Variants in CFAP20DC observed in about 807,000 individuals in gnomAD.
The protein encoded by CFAP20DC is protein CFAP20DC.
A neutral mutation model predicts 101.7 loss-of-function variants in CFAP20DC; 84 were observed. The observed-to-expected ratio is 0.83, with a 90% CI of 0.69 to 0.99. CFAP20DC has a LOEUF of 0.99. CFAP20DC is among the 50% of genes least tolerant of loss of function. The pLI, the probability that CFAP20DC is intolerant of heterozygous loss-of-function variation, is 0.00. For missense variants in CFAP20DC, 1,007 were observed against 970.3 expected (o/e 1.04, Z -0.50); for synonymous variants, 359 against 351.2 (o/e 1.02, Z -0.25).
intron 14 of CFAP20DC, among the ~76,000 whole-genome samples, chr3:58,809,027 T>C (rs995931749): frequency 2.0e-5 from 3 of 151,948 alleles, no homozygotes; most frequent in Non-Finnish European, 4.4e-5. Flanking sequence ...ATCCTAAATA[T>C]ATATGCACCC....
chr3:58,988,894 A>T (rs766967478), intron 4 of CFAP20DC, among the ~76,000 whole-genome samples: 2 of 152,110 alleles, frequency 1.3e-5, no homozygotes, highest in Non-Finnish European at 2.9e-5. Context: ...GACCATCAAT[A>T]CCCATGGTTC....
At position 59,006,536 on chromosome 3, in the gene CFAP20DC, G is replaced by A. The variant is rs2093438075; in HGVS notation, c.278+33021C>T. Among the ~76,000 whole-genome samples, 1 of 152,222 alleles carries A rather than the reference G, an allele frequency of 6.6e-6. No homozygotes were observed. ...CTGCCTCTGAACACACATCCCCACT[G>A]GGGAATCTGAAAATCCAGATCACGG... On this transcript the variant is annotated intron_variant, in intron 4 of 16. Transcript: ENST00000482387. This position sits in a 1 kb window ranked among gnomAD's most constrained non-coding sequence, Gnocchi z 4.3.
At chr3:58,794,561 T>C (rs575548199) in intron 15 of CFAP20DC, among the ~76,000 whole-genome samples, 5 of 152,348 alleles carry the variant, frequency 3.3e-5, no homozygotes, top group South Asian at 4.1e-4. Flanking sequence ...TGAAAAATTA[T>C]GTGTTTTAAC....
intron 13 of CFAP20DC, among the ~76,000 whole-genome samples, chr3:58,848,340 A>T (rs2077908987): frequency 6.6e-6 from 1 of 152,170 alleles, no homozygotes; most frequent in Non-Finnish European, 1.5e-5. Context: ...TTACAATGCA[A>T]CACCCACAGA....
At chr3:58,825,204 C>A (rs1267271065) in intron 14 of CFAP20DC, among the ~76,000 whole-genome samples, 1 of 152,034 alleles carries the variant, frequency 6.6e-6, no homozygotes, top group African/African-American at 2.4e-5. Context: ...TCTTTCAGGT[C>A]TCAGTCGTCA....
intron 13 of CFAP20DC, among the ~76,000 whole-genome samples, chr3:58,837,482 G>T (rs1029573462): frequency 2.6e-5 from 4 of 152,198 alleles, no homozygotes; most frequent in Non-Finnish European, 5.9e-5. Context: ...AGGGAGCACA[G>T]TGGGGCTTCT....
At chr3:58,717,069 G>A (rs996317222), downstream of CFAP20DC, among the ~76,000 whole-genome samples, 8 of 151,916 alleles carry the variant, frequency 5.3e-5, no homozygotes, top group African/African-American at 1.9e-4. This position sits in a 1 kb window ranked among gnomAD's most constrained non-coding sequence, Gnocchi z 4.1. Flanking sequence ...ACATGCAAAT[G>A]CCTTATCAAT....
chr3:58,810,335 T>C (rs1263467579), intron 14 of CFAP20DC, among the ~76,000 whole-genome samples: 7 of 152,134 alleles, frequency 4.6e-5, no homozygotes, highest in Admixed American at 1.3e-4. Flanking sequence ...TCCAGCAGCA[T>C]ATCAAAAAGC....
intron 14 of CFAP20DC, among the ~76,000 whole-genome samples, chr3:58,817,207 A>T (rs1559639755): frequency 6.6e-6 from 1 of 152,034 alleles, no homozygotes; most frequent in African/African-American, 2.4e-5. Context: ...GAACAGAAAA[A>T]CTGGAAACTC....
At chr3:58,966,521 AAT>A (rs1219939419) in intron 4 of CFAP20DC, among the ~76,000 whole-genome samples, 1 of 144,132 alleles carries the variant, frequency 6.9e-6, no homozygotes, top group African/African-American at 2.7e-5. Flanking sequence ...TATATATATA[AAT>A]ATATATATAT....
At chr3:58,807,138 C>T (rs188839967) in intron 14 of CFAP20DC, among the ~76,000 whole-genome samples, 2 of 152,278 alleles carry the variant, frequency 1.3e-5, no homozygotes, top group Non-Finnish European at 2.9e-5. Context: ...CCTCTGGGGG[C>T]GGGGCACAGA....
chr3:58,753,952 C>G, intron 15 of CFAP20DC, 89 bp from the exon 16 acceptor site: 1 of 770,222 alleles, frequency 1.3e-6, no homozygotes. Flanking sequence ...TTGGGGCTTC[C>G]AAAAAGAAAC....
Position 58,788,769 on chromosome 3 carries a change from T to A in CFAP20DC, c.2237+17626A>T, listed in dbSNP as rs1174376964. On this transcript the variant is annotated intron_variant, in intron 15 of 16. Transcript: ENST00000482387. This position sits in a 1 kb window ranked among gnomAD's most constrained non-coding sequence, Gnocchi z 4.2. ...CCTTTGAGCCAAACTCTGTGTCTCT[T>A]GTTTCCACATCTGGAATATGGGAAT... is the stretch of plus-strand genomic sequence containing the variant. Among the ~76,000 whole-genome samples, 1 of 152,146 alleles carries A rather than the reference T, an allele frequency of 6.6e-6. No homozygotes were observed. The highest frequency in any genetic ancestry group is 2.4e-5 in the African/African-American group (1 of 41,426).
At chr3:59,030,809 TTTTTTGTTTTTG>T (rs531223275) in intron 4 of CFAP20DC, among the ~76,000 whole-genome samples, 5 of 152,132 alleles carry the variant, frequency 3.3e-5, no homozygotes, top group South Asian at 4.1e-4. Context: ...CTTTAAGTTT[TTTTTTGTTTTTG>T]TTTTTGTTTT....
chr3:58,840,697 C>T (rs973404872), intron 13 of CFAP20DC, among the ~76,000 whole-genome samples: 4 of 152,176 alleles, frequency 2.6e-5, no homozygotes, highest in Non-Finnish European at 4.4e-5. Context: ...CTTTAGAATG[C>T]CAGCCATACT....
At chr3:58,924,240 C>G (rs2085704491) in intron 5 of CFAP20DC, among the ~76,000 whole-genome samples, 1 of 152,044 alleles carries the variant, frequency 6.6e-6, no homozygotes, top group East Asian at 1.9e-4. Flanking sequence ...TCTAGCCTCC[C>G]CCGACTTTTA....
chr3:58,721,926 C>A lies in CFAP20DC; in HGVS notation c.198-4298G>T, dbSNP rs944794593. On this transcript the variant is annotated intron_variant, in intron 3 of 3. Coordinates refer to the CFAP20DC transcript ENST00000486145. The surrounding 1 kb of genome is among the most constrained non-coding windows in gnomAD (Gnocchi z 5.2). ...CAGGCCCTTCTGTGATGTGACCTGG[C>A]CACAGCTCCCTTGAGCCTGGGCTGG... is the stretch of plus-strand genomic sequence containing the variant. Among the ~76,000 whole-genome samples the A allele has an allele frequency of 6.6e-6, 1 of 152,226 alleles. No homozygotes were observed. The highest frequency in any genetic ancestry group is 2.4e-5 in the African/African-American group (1 of 41,462).
At chr3:58,835,172 C>T (rs553585261) in intron 13 of CFAP20DC, among the ~76,000 whole-genome samples, 5 of 152,094 alleles carry the variant, frequency 3.3e-5, no homozygotes, top group Admixed American at 6.6e-5. Context: ...ATACTTCTGT[C>T]GTCATGGAGT....
intron 12 of CFAP20DC, among the ~76,000 whole-genome samples, chr3:58,858,684 G>C (rs2079023896): frequency 6.6e-6 from 1 of 151,926 alleles, no homozygotes; most frequent in Non-Finnish European, 1.5e-5. Context: ...TAAAAATTCT[G>C]TAAAAAAACA....
Sources: allele counts gnomAD v4.1 joint callset (sites outside exome capture counted in the v4.1 genomes callset), GRCh38; gene constraint gnomAD v4.1.1; non-coding constraint Gnocchi (gnomAD v3.1); transcripts MANE v1.5; gene names NCBI Gene and HGNC (gene_info 2026-07-23, HGNC 2026-07-21).